CADPS2: variants seen among roughly 807,000 people sequenced by gnomAD.
CADPS2 encodes the protein calcium-dependent secretion activator 2.
Under a neutral mutation model 172.5 loss-of-function variants are expected in CADPS2, and 93 were observed. The ratio of observed to expected loss-of-function variants is 0.54; its 90% confidence interval spans 0.46 to 0.64. The LOEUF (loss-of-function observed/expected upper bound fraction) is 0.64. Ranked by LOEUF, CADPS2 falls within the 30% of genes least tolerant of loss-of-function variation. CADPS2 has a pLI of 0.00. For synonymous variants in CADPS2, 546 were observed against 555.2 expected (o/e 0.98, Z 0.23); for missense variants, 1,420 against 1,565.9 (o/e 0.91, Z 1.57).
chr7:122,637,171 CTTTTTTTTTTTTTTTTTTTT>C (rs71161313), intron 3 of CADPS2, among the ~76,000 whole-genome samples: 162 of 53,904 alleles, frequency 3.0e-3, no homozygotes, highest in African/African-American at 0.01. Context: ...TGAAATTTTG[CTTTTTTTTTTTTTTTTTTTT>C]TTTTTTTTTT....
chr7:122,647,321 C>T (rs1588113842), intron 3 of CADPS2, among the ~76,000 whole-genome samples: 1 of 152,092 alleles, frequency 6.6e-6, no homozygotes, highest in East Asian at 1.9e-4. Flanking sequence ...TCCTATTGCT[C>T]TTCATATCTG....
At chr7:122,607,509 C>T (rs985139443) in intron 6 of CADPS2, among the ~76,000 whole-genome samples, 4 of 152,080 alleles carry the variant, frequency 2.6e-5, no homozygotes, top group Admixed American at 6.6e-5. Flanking sequence ...TATAAGGGGA[C>T]GTGATTTCAA....
intron 27 of CADPS2, among the ~76,000 whole-genome samples, chr7:122,347,389 T>C (rs1396147453): frequency 6.6e-6 from 1 of 152,162 alleles, no homozygotes; most frequent in East Asian, 1.9e-4. Context: ...ATTCCATTTA[T>C]AAAAATTAAT....
intron 1 of CADPS2, among the ~76,000 whole-genome samples, chr7:122,824,165 G>A (rs1160290032): frequency 6.6e-6 from 1 of 152,138 alleles, no homozygotes; most frequent in Non-Finnish European, 1.5e-5. Context: ...AGTAAACTGA[G>A]TGTTTGCTTA....
At chr7:122,532,041 A>AC in intron 8 of CADPS2, among the ~76,000 whole-genome samples, 1 of 152,012 alleles carries the variant, frequency 6.6e-6, no homozygotes, top group East Asian at 1.9e-4. Flanking sequence ...AAAAAAAAAA[A>AC]AAACAAAACA....
At chr7:122,609,029 A>C (rs545712794) in intron 6 of CADPS2, among the ~76,000 whole-genome samples, 3 of 152,240 alleles carry the variant, frequency 2.0e-5, no homozygotes, top group South Asian at 4.2e-4. Context: ...CTCTACAAAA[A>C]AATGACAAAA....
rs570553071 is a variant in CADPS2, at chr7:122,807,345, C to A, written c.340-70277G>T. Among the ~76,000 whole-genome samples, 9 of 152,338 alleles carry A rather than the reference C, an allele frequency of 5.9e-5. No homozygotes were observed. In the South Asian group the frequency reaches 1.9e-3, roughly 32 times the overall value. On this transcript the variant is annotated intron_variant, in intron 1 of 29. Coordinates refer to ENST00000449022, the MANE Select transcript of CADPS2 (RefSeq NM_017954.11). ...CATGTGTCCATCCACCAGGCTGGGC[C>A]CACCTGAACCCATGAGAGGTGTTCC...
intron 20 of CADPS2, among the ~76,000 whole-genome samples, chr7:122,405,701 T>A (rs1021815444): frequency 1.3e-5 from 2 of 152,156 alleles, no homozygotes; most frequent in Non-Finnish European, 2.9e-5. Flanking sequence ...ATTTGCAGAA[T>A]GAATGATTCG....
intron 1 of CADPS2, among the ~76,000 whole-genome samples, chr7:122,869,559 C>A (rs192657460): frequency 3.7e-4 from 56 of 150,564 alleles, no homozygotes; most frequent in South Asian, 1.0e-3. Context: ...ACCACTAGAC[C>A]TGCTTTACAA....
intron 2 of CADPS2, among the ~76,000 whole-genome samples, chr7:122,697,077 C>T (rs149403570): frequency 9.7e-4 from 148 of 152,152 alleles, no homozygotes; most frequent in African/African-American, 3.4e-3. Flanking sequence ...GACTAAGTAT[C>T]AAAGTCGTTC....
chr7:122,724,521 T>C (rs994317828), intron 2 of CADPS2, among the ~76,000 whole-genome samples: 2 of 152,044 alleles, frequency 1.3e-5, no homozygotes, highest in African/African-American at 4.8e-5. Context: ...CTGTAGGTAA[T>C]AATAGTAATA....
intron 27 of CADPS2, among the ~76,000 whole-genome samples, chr7:122,357,879 C>T (rs1244022184): frequency 6.6e-6 from 1 of 152,104 alleles, no homozygotes; most frequent in South Asian, 2.1e-4. Flanking sequence ...CATTGACGTA[C>T]TACAGGACAA....
At chr7:122,475,776 CAGAT>C (rs1290439623) in intron 12 of CADPS2, among the ~76,000 whole-genome samples, 1 of 152,104 alleles carries the variant, frequency 6.6e-6, no homozygotes, top group Admixed American at 6.6e-5. Flanking sequence ...ACATCAATGA[CAGAT>C]AGGAAAAGGT....
intron 3 of CADPS2, among the ~76,000 whole-genome samples, chr7:122,638,003 C>T (rs965159275): frequency 2.0e-5 from 3 of 152,140 alleles, no homozygotes; most frequent in African/African-American, 7.2e-5. Flanking sequence ...TGGCAGATAG[C>T]CTCTAACTCA....
chr7:122,446,479 C>A (rs1459861339), intron 15 of CADPS2, among the ~76,000 whole-genome samples: 1 of 152,086 alleles, frequency 6.6e-6, no homozygotes, highest in Non-Finnish European at 1.5e-5. Flanking sequence ...CTAATGAGTA[C>A]TCTATAGATT....
chr7:122,529,437 TCTC>T (rs1271179719), intron 8 of CADPS2, among the ~76,000 whole-genome samples: 4 of 151,998 alleles, frequency 2.6e-5, no homozygotes, highest in South Asian at 2.1e-4. Flanking sequence ...CAGAAATCCT[TCTC>T]CTATTACACA....
intron 28 of CADPS2, among the ~76,000 whole-genome samples, chr7:122,327,342 T>C (rs2034076510): frequency 6.6e-6 from 1 of 152,142 alleles, no homozygotes; most frequent in Non-Finnish European, 1.5e-5. Context: ...GAGGCCCTTC[T>C]ACCACACCAC....
At chr7:122,414,562 C>T (rs74511743) in intron 18 of CADPS2, among the ~76,000 whole-genome samples, 324 of 152,194 alleles carry the variant, frequency 2.1e-3, no homozygotes, top group Non-Finnish European at 3.9e-3. Flanking sequence ...AAAAGAACCT[C>T]CTGGGAATTC....
chr7:122,884,388 G>A (rs1176287222), intron 1 of CADPS2, among the ~76,000 whole-genome samples: 1 of 152,174 alleles, frequency 6.6e-6, no homozygotes, highest in East Asian at 1.9e-4. Context: ...CAGGAGTGGA[G>A]CAGCAGGCTC....
Sources: gnomAD v4.1 joint callset for allele counts (sites outside exome capture counted in the v4.1 genomes callset) on GRCh38, gnomAD v4.1.1 for gene constraint, MANE v1.5 for transcripts, NCBI Gene and HGNC (gene_info 2026-07-23, HGNC 2026-07-21) for gene names.